The following CD164 variants were observed in gnomAD, a reference collection of about 807,000 sequenced individuals.
CD164 encodes CD164 molecule.
In CD164, 11 loss-of-function variants were observed where a neutral mutation model predicts 24.6. That is an observed-to-expected ratio of 0.45 (90% CI 0.28 to 0.74). The LOEUF is 0.74. CD164 is among the 30% of genes least tolerant of loss of function. The pLI is 0.13. For synonymous variants in CD164, 126 were observed against 100.3 expected (o/e 1.26, Z -1.53); for missense variants, 295 against 243.7 (o/e 1.21, Z -1.40).
chr6:109,377,910 G>C lies in CD164; in HGVS notation c.321C>G (p.Asp107Glu). 1 of 1,612,628 alleles carries C rather than the reference G, an allele frequency of 6.2e-7. No homozygotes were observed. The highest frequency in any genetic ancestry group is 2.2e-5 in the East Asian group (1 of 44,874). Residue 107 changes from aspartate (D) to glutamate (E), a missense_variant, in exon 3 of 6, where the codon GAC becomes GAG. Physicochemically the swap from Asp to Glu is conservative, Grantham distance 45. Transcript: ENST00000310786. ...VSDCQVGNTT[D>E]FCSVSTATPV... ...AATATGAATACTTACCGGAACAGAA[G>C]TCTGTCGTGTTCCCCACTTGACAAT... is the stretch of plus-strand genomic sequence containing the variant.
intron 4 of CD164, chr6:109,372,727 C>T (rs1771150047): frequency 1.3e-5 from 2 of 152,196 alleles, no homozygotes; most frequent in East Asian, 3.9e-4. Flanking sequence ...AAGGTTTTTA[C>T]TGCTTCTGTG....
rs1157420606 is a variant in CD164, at chr6:109,368,571, T to C, written c.*280A>G. The C allele has an allele frequency of 7.5e-7, 1 of 1,337,230 alleles. No individual in the cohort carries two copies. Among genetic ancestry groups the C allele is most frequent in the African/African-American group, 1.5e-5 (1 of 65,968 alleles). 82.8% of individuals were successfully genotyped at this position (1,337,230 alleles called of 1,614,324 possible). A position where few individuals can be genotyped will look rare whatever the true frequency, so the allele number is the denominator to read the frequency against. On this transcript the variant is annotated 3_prime_UTR_variant, in exon 6 of 6. Transcript: ENST00000310786. ...TTCCATCACTTTCAGAAAGTTATATTTGGCATGTTAAGGAAAAAAAATATA... is the reference window on the plus strand; with the variant it reads ...TTCCATCACTTTCAGAAAGTTATATCTGGCATGTTAAGGAAAAAAAATATA...
intron 1 of CD164, chr6:109,381,889 C>G: frequency 2.1e-6 from 1 of 474,994 alleles, no homozygotes; most frequent in South Asian, 2.9e-5. Context: ...GCCACGTCCC[C>G]ATTTCCGACC....
At chr6:109,377,855 C>T (rs1347240891) in intron 3 of CD164, 45 bp downstream of exon 3, 3 of 1,403,172 alleles carry the variant, frequency 2.1e-6, no homozygotes, top group Admixed American at 1.7e-5. Flanking sequence ...TGATCTTCCT[C>T]ACCTCTCTGC....
At chr6:109,380,422 A>C (rs1292547348) in intron 1 of CD164, 1 of 152,192 alleles carries the variant, frequency 6.6e-6, no homozygotes, top group African/African-American at 2.4e-5. Flanking sequence ...GGCTCCATTC[A>C]TTTTCCTAGA....
chr6:109,368,236 C>G lies in CD164; in HGVS notation c.*615G>C, dbSNP rs941871644. 1.3e-6 allele frequency: 2 copies of G among 1,497,462 alleles called. No homozygotes were observed. The highest frequency in any genetic ancestry group is 2.6e-5 in the East Asian group (1 of 39,094). The allele number at this position is 1,497,462 out of a possible 1,614,324, so 92.8% of individuals were successfully genotyped here. On this transcript the variant is annotated 3_prime_UTR_variant, in exon 6 of 6. Coordinates refer to ENST00000310786, the MANE Select transcript of CD164 (RefSeq NM_006016.6). Reference sequence around the variant, plus strand: ...ATTCTCAATGACATAAGATGCTTTACAAGTATGAACAATAATCTGTTATAC... The same window carrying G: ...ATTCTCAATGACATAAGATGCTTTAGAAGTATGAACAATAATCTGTTATAC...
intron 1 of CD164, chr6:109,381,747 G>C: frequency 1.7e-6 from 1 of 586,260 alleles, no homozygotes; most frequent in Non-Finnish European, 3.0e-6. Flanking sequence ...TCCGGAGAAG[G>C]CTACCTCCGG....
At chr6:109,374,815 T>G (rs1029963813) in intron 4 of CD164, among the ~76,000 whole-genome samples, 2 of 152,236 alleles carry the variant, frequency 1.3e-5, no homozygotes, top group South Asian at 2.1e-4. Context: ...CTTCAGAGGC[T>G]CTCTCCAAGT....
intron 4 of CD164, chr6:109,372,531 CCT>C (rs897468243): frequency 4.6e-5 from 7 of 151,812 alleles, no homozygotes; most frequent in Non-Finnish European, 1.0e-4. Context: ...TTCTTTTTTC[CCT>C]CTTACTTCAA....
rs747797923 is a variant in CD164, at chr6:109,369,120, TA to T, written c.428-104del. ...CTATTTTGCCATGTGTTAAATTCTA[TA>T]AAGTATTTCCTCAAGTCTTTACAGC... On this transcript the variant is annotated intron_variant, in intron 5 of 5. Transcript: ENST00000310786. The T allele has an allele frequency of 1.1e-3, 1,044 of 980,332 alleles. 4 individuals are homozygous for T. The highest frequency in any genetic ancestry group is 8.5e-4 in the Admixed American group (30 of 35,498). The allele number at this position is 980,332 out of a possible 1,614,324, so 60.7% of individuals were successfully genotyped here.
intron 4 of CD164, among the ~76,000 whole-genome samples, chr6:109,375,182 TTC>T (rs1771323001): frequency 6.6e-6 from 1 of 152,182 alleles, no homozygotes; most frequent in Non-Finnish European, 1.5e-5. Context: ...GACCTAGAAA[TTC>T]TGTTTGACTC....
intron 4 of CD164, among the ~76,000 whole-genome samples, chr6:109,373,774 G>A (rs892955156): frequency 1.3e-5 from 2 of 152,020 alleles, no homozygotes; most frequent in Admixed American, 6.6e-5. Context: ...AAATATTTAC[G>A]ACCACATCAC....
At position 109,382,451 on chromosome 6, in the gene CD164, G is replaced by C; in HGVS notation, c.-73C>G. ...TCAGTCAACCCCTCAATCCCCTGCG[G>C]CGCCGCCTCCGAGACTACGCTCCCC... On this transcript the variant is annotated 5_prime_UTR_variant, in exon 1 of 6. Coordinates refer to ENST00000310786, the MANE Select transcript of CD164 (RefSeq NM_006016.6). 7.4e-7 allele frequency: 1 copy of C among 1,354,540 alleles called. No homozygotes were observed. The highest frequency in any genetic ancestry group is 9.7e-7 in the Non-Finnish European group (1 of 1,036,238). The allele number at this position is 1,354,540 out of a possible 1,614,324, so 83.9% of individuals were successfully genotyped here. A position where few individuals can be genotyped will look rare whatever the true frequency, so the allele number is the denominator to read the frequency against.
Position 109,379,631 on chromosome 6 carries a change from G to C in CD164, c.207C>G (p.Ser69=). The part of the protein sequence containing the change: ...ETCEGRNSCV[S]CFNVSVVNTT... ...TATTAACAACGCTAACATTAAAACA[G>C]GAAACGCAGCTGTTTCGACCTTCAC... The change falls in exon 2 of 6, where the codon TCC becomes TCG. Residue 69 remains serine, a synonymous_variant. Transcript: ENST00000310786. 3.1e-6 allele frequency: 5 copies of C among 1,613,402 alleles called. No homozygotes were observed. Among genetic ancestry groups the C allele is most frequent in the Non-Finnish European group, 4.2e-6 (5 of 1,179,766 alleles).
chr6:109,374,215 C>G (rs1771270169), intron 4 of CD164, among the ~76,000 whole-genome samples: 1 of 152,152 alleles, frequency 6.6e-6, no homozygotes, highest in African/African-American at 2.4e-5. Flanking sequence ...CTGCCTATGC[C>G]TATTTATATT....
intron 2 of CD164, among the ~76,000 whole-genome samples, chr6:109,379,113 T>G (rs998243196): frequency 2.6e-5 from 4 of 152,220 alleles, no homozygotes; most frequent in Non-Finnish European, 4.4e-5. Flanking sequence ...AACAGTTTCA[T>G]AAGGTCTCTT....
chr6:109,367,416 T>A lies in CD164; in HGVS notation c.*1435A>T, dbSNP rs1770823549. 6.6e-6 allele frequency: 1 copy of A among 152,110 alleles called. No homozygotes were observed. Among genetic ancestry groups the A allele is most frequent in the Non-Finnish European group, 1.5e-5 (1 of 67,956 alleles). The allele number at this position is 152,110 out of a possible 1,614,324, so 9.4% of individuals were successfully genotyped here. ...GCCACTATTGGCTAAAGAAACTAAA[T>A]AAAAAACGTTAATGACCTAGAAAAG... On this transcript the variant is annotated 3_prime_UTR_variant, in exon 6 of 6. Transcript: ENST00000310786.
intron 4 of CD164, chr6:109,372,553 T>G (rs1398526022): frequency 6.6e-6 from 1 of 152,228 alleles, no homozygotes; most frequent in Admixed American, 6.5e-5. Flanking sequence ...AGCATTGTTG[T>G]ACATACTTCC....
chr6:109,369,373 C>T (rs1770957567), intron 5 of CD164, among the ~76,000 whole-genome samples: 1 of 152,128 alleles, frequency 6.6e-6, no homozygotes, highest in African/African-American at 2.4e-5. Flanking sequence ...GTCAATAGTG[C>T]TGAGAATTCA....
Sources: allele counts gnomAD v4.1 joint callset (sites outside exome capture counted in the v4.1 genomes callset), GRCh38; gene constraint gnomAD v4.1.1; transcripts MANE v1.5; gene names NCBI Gene and HGNC (gene_info 2026-07-23, HGNC 2026-07-21).